SORBS2: variants seen among roughly 807,000 people sequenced by gnomAD.
The protein encoded by SORBS2 is sorbin and SH3 domain containing 2, also known as sorbin and SH3 domain-containing protein 2.
SORBS2 carries 46 observed loss-of-function variants against 97.7 expected under a neutral mutation model. That is an observed-to-expected ratio of 0.47 (90% CI 0.37 to 0.60). The LOEUF (loss-of-function observed/expected upper bound fraction) is 0.60, where lower values mean the gene tolerates loss of function less well. SORBS2 is among the 20% of genes least tolerant of loss of function. The pLI, the probability that SORBS2 is intolerant of heterozygous loss-of-function variation, is 0.00. For missense variants in SORBS2, 1,316 were observed against 1,282.3 expected, an observed-to-expected ratio of 1.03 and a Z score of -0.40; for synonymous variants, 476 against 473.4, an observed-to-expected ratio of 1.01 and a Z score of -0.07.
At position 185,587,537 on chromosome 4, in the gene SORBS2, C is replaced by G. The variant is rs527761093; in HGVS notation, c.*90G>C. Reference sequence around the variant, plus strand: ...TGACGGCGCATTGGAAACCGTAAGGCATGACAACGGGAGGCCCGCGGGGTG... The same window carrying G: ...TGACGGCGCATTGGAAACCGTAAGGGATGACAACGGGAGGCCCGCGGGGTG... On this transcript the variant is annotated 3_prime_UTR_variant, in exon 15 of 15. Transcript: ENST00000418609. 15 of 1,106,500 alleles carry G rather than the reference C, an allele frequency of 1.4e-5. No homozygotes were observed. In the African/African-American group the frequency reaches 1.8e-4, roughly 13 times the overall value. The allele number at this position is 1,106,500 out of a possible 1,614,324, so 68.5% of individuals were successfully genotyped here.
chr4:185,666,574 A>T (rs1031963420), intron 4 of SORBS2, among the ~76,000 whole-genome samples: 1 of 152,236 alleles, frequency 6.6e-6, no homozygotes, highest in African/African-American at 2.4e-5. Context: ...CACTAGAAAA[A>T]TCTAATAGCA....
intron 1 of SORBS2, among the ~76,000 whole-genome samples, chr4:185,860,231 C>T (rs554668891): frequency 1.3e-5 from 2 of 152,324 alleles, no homozygotes; most frequent in South Asian, 2.1e-4. Flanking sequence ...AAGACTGCAC[C>T]AGCTACTGGA....
chr4:185,595,295 C>T (rs1432057981), intron 12 of SORBS2, among the ~76,000 whole-genome samples: 1 of 152,116 alleles, frequency 6.6e-6, no homozygotes, highest in African/African-American at 2.4e-5. Context: ...AATTACTGCA[C>T]ACAATTATGA....
chr4:185,748,192 A>G (rs2098775695), intron 2 of SORBS2, among the ~76,000 whole-genome samples: 1 of 152,106 alleles, frequency 6.6e-6, no homozygotes, highest in East Asian at 1.9e-4. Context: ...TAGCTGTACC[A>G]TATCTGGGCA....
intron 1 of SORBS2, among the ~76,000 whole-genome samples, chr4:185,795,055 C>A (rs1426504952): frequency 6.6e-6 from 1 of 152,112 alleles, no homozygotes; most frequent in Non-Finnish European, 1.5e-5. Flanking sequence ...TATAGGCGGG[C>A]TTCATGAGCT....
chr4:185,910,262 C>T (rs572588335), intron 1 of SORBS2, among the ~76,000 whole-genome samples: 4 of 152,278 alleles, frequency 2.6e-5, no homozygotes, highest in African/African-American at 7.2e-5. Flanking sequence ...TTCCCACTGA[C>T]GAGAAGGGCC....
chr4:185,592,279 A>G (rs2095964183), intron 13 of SORBS2, among the ~76,000 whole-genome samples: 1 of 152,216 alleles, frequency 6.6e-6, no homozygotes, highest in African/African-American at 2.4e-5. Context: ...ACTAAGCAAC[A>G]CCCTAAAATC....
intron 2 of SORBS2, among the ~76,000 whole-genome samples, chr4:185,696,440 ATTGGTCCAGCACC>A (rs1430594724): frequency 6.6e-6 from 1 of 152,106 alleles, no homozygotes; most frequent in Non-Finnish European, 1.5e-5. Context: ...GTGACTTAAC[ATTGGTCCAGCACC>A]TTACTTTCTT....
At chr4:185,829,614 A>C (rs1157446518) in intron 1 of SORBS2, among the ~76,000 whole-genome samples, 1 of 152,180 alleles carries the variant, frequency 6.6e-6, no homozygotes, top group Non-Finnish European at 1.5e-5. Flanking sequence ...AAAGGAATAA[A>C]TGAGGCAGAG....
At chr4:185,626,806 G>T (rs1486301789) in intron 6 of SORBS2, 26 bp downstream of exon 18, 1 of 1,607,624 alleles carries the variant, frequency 6.2e-7, no homozygotes, top group South Asian at 1.1e-5. Context: ...CTAGTAAATT[G>T]TTGTGTTTTC....
At chr4:185,662,738 A>C (rs2097539733) in intron 4 of SORBS2, among the ~76,000 whole-genome samples, 1 of 152,170 alleles carries the variant, frequency 6.6e-6, no homozygotes, top group Admixed American at 6.5e-5. Flanking sequence ...TAACATAAGG[A>C]ACCTAGTTGT....
intron 1 of SORBS2, among the ~76,000 whole-genome samples, chr4:185,796,340 G>C (rs958944435): frequency 6.6e-6 from 1 of 152,184 alleles, no homozygotes; most frequent in Non-Finnish European, 1.5e-5. Flanking sequence ...ATCTGGCTCT[G>C]GTCTGCTTGC....
At position 185,656,739 on chromosome 4, in the gene SORBS2, C is replaced by G; in HGVS notation, c.-101G>C. 5.8e-6 allele frequency: 9 copies of G among 1,538,830 alleles called. No homozygotes were observed. In the South Asian group the frequency reaches 1.1e-4, roughly 19 times the overall value. ...CCCAGGCTCTCAGAAGCTGCCTCTG[C>G]TACTGCTGCGTTTTGCCGGAAGGGG... is the stretch of plus-strand genomic sequence containing the variant. On this transcript the variant is annotated 5_prime_UTR_variant, in exon 1 of 15. Transcript: ENST00000418609.
chr4:185,923,270 G>A (rs2099261821), intron 1 of SORBS2, among the ~76,000 whole-genome samples: 1 of 151,986 alleles, frequency 6.6e-6, no homozygotes, highest in Non-Finnish European at 1.5e-5. Context: ...CCTTTCCTGA[G>A]TAACTTATTC....
At chr4:185,788,760 T>C (rs2099067590) in intron 1 of SORBS2, among the ~76,000 whole-genome samples, 1 of 152,206 alleles carries the variant, frequency 6.6e-6, no homozygotes, top group Non-Finnish European at 1.5e-5. Context: ...ATTGGAAAGC[T>C]CTTCACCAAC....
chr4:185,954,954 AAAAC>A (rs1201197599), intron 1 of SORBS2, among the ~76,000 whole-genome samples: 3 of 152,194 alleles, frequency 2.0e-5, no homozygotes, highest in Non-Finnish European at 4.4e-5. Flanking sequence ...CTCCATCTCA[AAAAC>A]AAACAAAGAA....
At chr4:185,725,006 TC>T (rs141517168) in intron 2 of SORBS2, among the ~76,000 whole-genome samples, 3,486 of 152,318 alleles carry the variant, frequency 0.023, 47 homozygotes, top group Middle Eastern at 0.044. Flanking sequence ...TGCATATCTT[TC>T]ATGCTCAGTG....
chr4:185,787,378 A>G (rs748589868), intron 1 of SORBS2, among the ~76,000 whole-genome samples: 36 of 152,236 alleles, frequency 2.4e-4, no homozygotes, highest in Non-Finnish European at 2.9e-4. Flanking sequence ...GAACAGATTA[A>G]GTAAAAAGTA....
intron 2 of SORBS2, among the ~76,000 whole-genome samples, chr4:185,760,341 C>T (rs983496331): frequency 1.3e-5 from 2 of 152,166 alleles, no homozygotes; most frequent in African/African-American, 4.8e-5. Flanking sequence ...GCAGGTGGAT[C>T]ACCTGAGGTC....
Sources: gnomAD v4.1 joint callset for allele counts (sites outside exome capture counted in the v4.1 genomes callset) on GRCh38, gnomAD v4.1.1 for gene constraint, MANE v1.5 for transcripts, NCBI Gene and HGNC (gene_info 2026-07-23, HGNC 2026-07-21) for gene names.